The following CFAP20DC variants were observed in gnomAD, a reference collection of about 807,000 sequenced individuals.
The protein encoded by CFAP20DC is protein CFAP20DC.
A neutral mutation model predicts 101.7 loss-of-function variants in CFAP20DC; 84 were observed. That is an observed-to-expected ratio of 0.83 (90% CI 0.69 to 0.99). CFAP20DC has a LOEUF of 0.99. CFAP20DC is among the 50% of genes least tolerant of loss of function. The pLI is 0.00. For missense variants in CFAP20DC, 1,007 were observed against 970.3 expected (o/e 1.04, Z -0.50); for synonymous variants, 359 against 351.2 (o/e 1.02, Z -0.25).
intron 12 of CFAP20DC, among the ~76,000 whole-genome samples, chr3:58,850,746 C>G (rs1431511978): frequency 6.6e-6 from 1 of 152,132 alleles, no homozygotes; most frequent in Non-Finnish European, 1.5e-5. Context: ...CAATGCGTAT[C>G]TTGACATTCA....
chr3:58,809,456 G>A (rs1189452088), intron 14 of CFAP20DC, among the ~76,000 whole-genome samples: 2 of 151,894 alleles, frequency 1.3e-5, no homozygotes, highest in Non-Finnish European at 2.9e-5. Flanking sequence ...ATGACTACTG[G>A]GTACATAACG....
intron 15 of CFAP20DC, among the ~76,000 whole-genome samples, chr3:58,789,384 A>T (rs1218012946): frequency 6.6e-6 from 1 of 152,208 alleles, no homozygotes; most frequent in Non-Finnish European, 1.5e-5. Context: ...TTTTGTAAAG[A>T]ATAACTACAG....
At chr3:58,989,668 C>G (rs1025528709) in intron 4 of CFAP20DC, among the ~76,000 whole-genome samples, 1 of 152,028 alleles carries the variant, frequency 6.6e-6, no homozygotes, top group Non-Finnish European at 1.5e-5. Flanking sequence ...AACAGAGGCT[C>G]AGTTTATACT....
intron 16 of CFAP20DC, among the ~76,000 whole-genome samples, chr3:58,748,291 C>T (rs1345994929): frequency 6.6e-6 from 1 of 152,126 alleles, no homozygotes; most frequent in African/African-American, 2.4e-5. Flanking sequence ...AAGGTATCAA[C>T]GTTGAGCTAT....
In CFAP20DC at chr3:58,869,633, G is replaced by C. The variant is rs1185176938; in HGVS notation, c.853-143C>G. ...ATGAGGTTAAGATGTGAAGAAAAAG[G>C]AAATTATTATAGGAAATTAGAAATG... On this transcript the variant is annotated intron_variant, in intron 8 of 16. Transcript: ENST00000482387. The surrounding 1 kb of genome is among the most constrained non-coding windows in gnomAD (Gnocchi z 4.3). 5.5e-6 allele frequency: 3 copies of C among 548,710 alleles called. No individual in the cohort carries two copies. Among genetic ancestry groups the C allele is most frequent in the Non-Finnish European group, 8.9e-6 (3 of 338,714 alleles). 34.0% of individuals were successfully genotyped at this position (548,710 alleles called of 1,614,324 possible). A position where few individuals can be genotyped will look rare whatever the true frequency, so the allele number is the denominator to read the frequency against.
intron 4 of CFAP20DC, among the ~76,000 whole-genome samples, chr3:58,977,776 A>C (rs1576563523): frequency 6.6e-6 from 1 of 151,442 alleles, no homozygotes; most frequent in African/African-American, 2.4e-5. Context: ...AAATTTGAAA[A>C]CTGAAGGAGA....
chr3:58,815,995 C>T lies in CFAP20DC; in HGVS notation c.2176-9539G>A, dbSNP rs573860740. On this transcript the variant is annotated intron_variant, in intron 14 of 16. Coordinates refer to ENST00000482387, the MANE Select transcript of CFAP20DC (RefSeq NM_001394063.1). Reference sequence around the variant, plus strand: ...GAACTGGAAATATCATTTGACCCAGCCATCCCATTACTGGGTATATACCCA... The same window carrying T: ...GAACTGGAAATATCATTTGACCCAGTCATCCCATTACTGGGTATATACCCA... 4.6e-5 allele frequency among the ~76,000 whole-genome samples: 7 copies of T among 151,868 alleles called. No individual in the cohort carries two copies. The East Asian group carries it at 9.6e-4, about 21-fold the overall frequency.
intron 15 of CFAP20DC, among the ~76,000 whole-genome samples, chr3:58,796,501 T>C (rs1345143883): frequency 6.6e-6 from 1 of 152,168 alleles, no homozygotes; most frequent in Non-Finnish European, 1.5e-5. Flanking sequence ...GAGGCCCAGC[T>C]GGAGGCTTTT....
At position 58,777,066 on chromosome 3, in the gene CFAP20DC, A is replaced by AT. The variant is rs530594435; in HGVS notation, c.2238-23204_2238-23203insA. On this transcript the variant is annotated intron_variant, in intron 15 of 16. Coordinates refer to ENST00000482387, the MANE Select transcript of CFAP20DC (RefSeq NM_001394063.1). The stretch of plus-strand genomic sequence containing the variant: ...AAAGAGAGCTATTAAGATTAAAAAA[A>AT]ATATAGCTACTTATCTCCCTCACAA... Among the ~76,000 whole-genome samples, 395 of 152,260 alleles carry AT rather than the reference A, an allele frequency of 2.6e-3. 2 individuals carry two copies. The highest frequency in any genetic ancestry group is 8.9e-3 in the African/African-American group (369 of 41,508).
chr3:58,773,824 G>C (rs1325762749), intron 15 of CFAP20DC, among the ~76,000 whole-genome samples: 1 of 152,138 alleles, frequency 6.6e-6, no homozygotes, highest in East Asian at 1.9e-4. Context: ...TCTATTCAAT[G>C]ATATAACTTG....
At chr3:59,018,684 C>T (rs538155123) in intron 4 of CFAP20DC, 19 of 152,204 alleles carry the variant, frequency 1.2e-4, no homozygotes, top group South Asian at 1.0e-3. Flanking sequence ...GGAAACATTA[C>T]AAATTAATGG....
At chr3:58,931,055 T>G (rs985263954) in intron 5 of CFAP20DC, among the ~76,000 whole-genome samples, 1 of 152,070 alleles carries the variant, frequency 6.6e-6, no homozygotes, top group Non-Finnish European at 1.5e-5. Context: ...GAAAATTGGG[T>G]CACTCCCACC....
chr3:58,926,263 G>A (rs1372554752), intron 5 of CFAP20DC, among the ~76,000 whole-genome samples: 1 of 151,884 alleles, frequency 6.6e-6, no homozygotes, highest in Non-Finnish European at 1.5e-5. Context: ...ATACTCAGGA[G>A]GCTGAGGCAG....
chr3:58,824,330 A>G (rs1449106214), intron 14 of CFAP20DC: 1 of 152,204 alleles, frequency 6.6e-6, no homozygotes, highest in East Asian at 1.9e-4. Context: ...AATATCATGC[A>G]AAAACGCTGA....
intron 14 of CFAP20DC, among the ~76,000 whole-genome samples, chr3:58,818,076 A>G (rs2107868832): frequency 6.6e-6 from 1 of 151,038 alleles, no homozygotes; most frequent in African/African-American, 2.4e-5. Context: ...AATACTTCAC[A>G]GACAAGCAAA....
intron 15 of CFAP20DC, among the ~76,000 whole-genome samples, chr3:58,796,029 G>A (rs971409981): frequency 8.5e-5 from 13 of 152,298 alleles, no homozygotes; most frequent in African/African-American, 3.1e-4. Flanking sequence ...TCTTGGGCAG[G>A]TGGGCAGGGG....
intron 5 of CFAP20DC, among the ~76,000 whole-genome samples, chr3:58,936,126 C>T (rs1340322194): frequency 2.0e-5 from 3 of 152,144 alleles, no homozygotes; most frequent in Non-Finnish European, 4.4e-5. Flanking sequence ...CATGAACAGA[C>T]ACTTCTCAAA....
chr3:58,876,216 T>C (rs894197192), intron 7 of CFAP20DC, among the ~76,000 whole-genome samples: 2 of 152,152 alleles, frequency 1.3e-5, no homozygotes, highest in African/African-American at 4.8e-5. Flanking sequence ...CTGCTTCACT[T>C]TAAAAAATCT....
At chr3:58,833,318 G>A (rs1166257106) in intron 13 of CFAP20DC, among the ~76,000 whole-genome samples, 3 of 152,090 alleles carry the variant, frequency 2.0e-5, no homozygotes, top group African/African-American at 7.2e-5. Context: ...TATTTCATGA[G>A]CATTTAATAT....
Sources: gnomAD v4.1 joint callset for allele counts (sites outside exome capture counted in the v4.1 genomes callset) on GRCh38, gnomAD v4.1.1 for gene constraint, Gnocchi (gnomAD v3.1) non-coding constraint, MANE v1.5 for transcripts, NCBI Gene and HGNC (gene_info 2026-07-23, HGNC 2026-07-21) for gene names.